Variants in ZNF664 observed in about 807,000 individuals in gnomAD.
ZNF664 encodes zinc finger Organ of Corti 1.
In ZNF664, 10 loss-of-function variants were observed where a neutral mutation model predicts 18.2. That is an observed-to-expected ratio of 0.55 (90% CI 0.34 to 0.93). ZNF664 has a LOEUF of 0.93. Among genes scored for constraint, ZNF664 ranks in the 40% least tolerant of loss-of-function variants. The pLI is 0.02. For missense variants in ZNF664, 193 were observed against 319.0 expected (o/e 0.61, Z 3.01); for synonymous variants, 119 against 104.2 (o/e 1.14, Z -0.86).
At chr12:123,992,932 T>C (rs1292698955) in intron 3 of ZNF664, among the ~76,000 whole-genome samples, 1 of 152,116 alleles carries the variant, frequency 6.6e-6, no homozygotes, top group Non-Finnish European at 1.5e-5. Context: ...TCTGACCACC[T>C]CCAACCTCTA....
At chr12:123,974,214 C>G in intron 2 of ZNF664, 194 bp downstream of exon 2, 1 of 412,620 alleles carries the variant, frequency 2.4e-6, no homozygotes, top group Non-Finnish European at 4.2e-6. Context: ...CAGAACTCAG[C>G]TCCTTTGTGA....
chr12:123,990,086 T>A (rs189111631), intron 3 of ZNF664, among the ~76,000 whole-genome samples: 8 of 152,298 alleles, frequency 5.3e-5, no homozygotes, highest in Non-Finnish European at 8.8e-5. Flanking sequence ...ATAGTCACAT[T>A]CATGGAGTCA....
chr12:123,983,795 TC>T (rs988373321), intron 2 of ZNF664, among the ~76,000 whole-genome samples: 2 of 152,230 alleles, frequency 1.3e-5, no homozygotes, highest in African/African-American at 4.8e-5. Flanking sequence ...AGAAAACATG[TC>T]AAGTTTCTCA....
At chr12:123,977,052 C>G (rs1956701715) in intron 2 of ZNF664, among the ~76,000 whole-genome samples, 1 of 152,146 alleles carries the variant, frequency 6.6e-6, no homozygotes, top group African/African-American at 2.4e-5. Flanking sequence ...TGCACTCCAG[C>G]CTGGGCAACA....
intron 2 of ZNF664, among the ~76,000 whole-genome samples, chr12:123,984,416 A>G (rs571869897): frequency 4.7e-4 from 71 of 152,296 alleles, no homozygotes; most frequent in Admixed American, 2.3e-3. Flanking sequence ...GAAGTGAAGC[A>G]ATAGAAATCT....
chr12:124,010,072 C>A (rs944063634), intron 3 of ZNF664, among the ~76,000 whole-genome samples: 1 of 152,108 alleles, frequency 6.6e-6, no homozygotes, highest in African/African-American at 2.4e-5. Context: ...CCGGGTATAT[C>A]AGTCATTTCC....
intron 2 of ZNF664, 69 bp downstream of exon 2, chr12:123,974,089 A>C: frequency 9.1e-7 from 1 of 1,093,180 alleles, no homozygotes; most frequent in Non-Finnish European, 1.1e-6. Flanking sequence ...CACCCCTTCC[A>C]GGACTCGACT....
In ZNF664 at chr12:124,012,620, G is replaced by T; in HGVS notation, c.476G>T (p.Cys159Phe). ...GCCTTCAGGCACACCTCCAGCCTCT[G>T]CATGCATCAAAGAGTCCACACAGGA... ...GKAFRHTSSL[C>F]MHQRVHTGEK... The change falls in exon 5 of 5, where the codon TGC becomes TTC. Residue 159 changes from cysteine (C) to phenylalanine (F), a missense_variant. Around this residue, in one of 3 missense-constraint regions of ZNF664, gnomAD observed 61 missense variants for 153.7 expected, o/e 0.40. Coordinates refer to ENST00000337815, the MANE Select transcript of ZNF664 (RefSeq NM_152437.3). The T allele has an allele frequency of 1.2e-6, 2 of 1,614,190 alleles. No individual in the cohort carries two copies. Among genetic ancestry groups the T allele is most frequent in the Non-Finnish European group, 1.7e-6 (2 of 1,180,038 alleles).
chr12:124,009,925 A>C, intron 3 of ZNF664, among the ~76,000 whole-genome samples: 1 of 146,984 alleles, frequency 6.8e-6, no homozygotes, highest in Non-Finnish European at 1.5e-5. Flanking sequence ...ACCTGGGTTC[A>C]CTCCATGTCA....
At chr12:123,991,537 G>C (rs1159406017) in intron 3 of ZNF664, among the ~76,000 whole-genome samples, 1 of 152,192 alleles carries the variant, frequency 6.6e-6, no homozygotes, top group African/African-American at 2.4e-5. Flanking sequence ...TAAAATAAAG[G>C]AAATAAGGAA....
At position 124,013,652 on chromosome 12, in the gene ZNF664, C is replaced by T. The variant is rs544180670; in HGVS notation, c.*722C>T. ...TGTTAGACTTATTTTGTAGTGGCTGCATCACATATTTTTCACTTGAATTTT... is the reference window on the plus strand; with the variant it reads ...TGTTAGACTTATTTTGTAGTGGCTGTATCACATATTTTTCACTTGAATTTT... On this transcript the variant is annotated 3_prime_UTR_variant, in exon 5 of 5. Coordinates refer to ENST00000337815, the MANE Select transcript of ZNF664 (RefSeq NM_152437.3). 3 of 167,204 alleles carry T rather than the reference C, an allele frequency of 1.8e-5. No homozygotes were observed. The East Asian group carries it at 5.8e-4, about 32-fold the overall frequency. 10.4% of individuals were successfully genotyped at this position (167,204 alleles called of 1,614,324 possible).
intron 3 of ZNF664, among the ~76,000 whole-genome samples, chr12:124,008,205 A>G (rs1015661314): frequency 1.3e-4 from 20 of 151,590 alleles, no homozygotes; most frequent in Admixed American, 1.3e-4. Flanking sequence ...ACCTTTTGAT[A>G]TTTTGCTACT....
intron 3 of ZNF664, among the ~76,000 whole-genome samples, chr12:124,007,710 C>T (rs1292597307): frequency 6.6e-6 from 1 of 151,814 alleles, no homozygotes; most frequent in African/African-American, 2.4e-5. Flanking sequence ...TTTTTTTTAA[C>T]CATGAAAATT....
At chr12:123,997,014 C>CCTTGGGAGACAGAAGCAAAGAATAAAACT (rs1956956499) in intron 3 of ZNF664, among the ~76,000 whole-genome samples, 1 of 151,942 alleles carries the variant, frequency 6.6e-6, no homozygotes, top group African/African-American at 2.4e-5. Context: ...TTTTTTGTTT[C>CCTTGGGAGACAGAAGCAAAGAATAAAACT]CTTGGGAGAC....
intron 2 of ZNF664, among the ~76,000 whole-genome samples, chr12:123,982,470 G>A (rs1956776911): frequency 6.6e-6 from 1 of 152,074 alleles, no homozygotes; most frequent in South Asian, 2.1e-4. Context: ...TCTCTCGCTT[G>A]GCAGTAAATA....
chr12:124,002,628 C>T (rs1178502453), intron 3 of ZNF664, among the ~76,000 whole-genome samples: 2 of 152,098 alleles, frequency 1.3e-5, no homozygotes, highest in Middle Eastern at 3.4e-3. Context: ...GTAGAGTGTG[C>T]AGTGATTTGC....
rs1038684146 is a variant in ZNF664, at chr12:124,012,966, T to C, written c.*36T>C. 6.3e-7 allele frequency: 1 copy of C among 1,593,740 alleles called. No individual in the cohort carries two copies. Among genetic ancestry groups the C allele is most frequent in the African/African-American group, 1.4e-5 (1 of 73,820 alleles). On this transcript the variant is annotated 3_prime_UTR_variant, in exon 5 of 5. Transcript: ENST00000337815. ...TAAGAGTTTAAAATCTTAAAACCCA[T>C]AAGTGCCACTAGGAAGGAAACCCTG...
rs112272774 is a variant in ZNF664, at chr12:123,981,009, A to G, written c.-757+6989A>G. Among the ~76,000 whole-genome samples, 336 of 152,268 alleles carry G rather than the reference A, an allele frequency of 2.2e-3. 2 individuals are homozygous for G. The highest frequency in any genetic ancestry group is 7.3e-3 in the South Asian group (35 of 4,816). On this transcript the variant is annotated intron_variant, in intron 2 of 4. Transcript: ENST00000337815. ...GATTGGGACCCATTGAAAACTTGTG[A>G]GTAGGGTAAGAACAATCCATTTTGC...
At chr12:123,982,922 A>C (rs2138342931) in intron 2 of ZNF664, among the ~76,000 whole-genome samples, 1 of 152,328 alleles carries the variant, frequency 6.6e-6, no homozygotes, top group African/African-American at 2.4e-5. Flanking sequence ...TGAGGGGCCA[A>C]GGCAGGCAGA....
Sources: gnomAD v4.1 joint callset for allele counts (sites outside exome capture counted in the v4.1 genomes callset) on GRCh38, gnomAD v4.1.1 for gene constraint, gnomAD v4.1.1 regional missense constraint, MANE v1.5 for transcripts, NCBI Gene and HGNC (gene_info 2026-07-23, HGNC 2026-07-21) for gene names.